The following PP2D1 variants were observed in gnomAD, a reference collection of about 807,000 sequenced individuals.
PP2D1 encodes protein phosphatase 2C like domain containing 1, also known as protein phosphatase 2C-like domain-containing protein 1.
In PP2D1, 25 loss-of-function variants were observed where a neutral mutation model predicts 30.2. The ratio of observed to expected loss-of-function variants is 0.83; its 90% CI spans 0.60 to 1.16. The LOEUF is 1.16. PP2D1 is among the 50% of genes most tolerant of loss of function. The pLI is 0.00. For missense variants in PP2D1, 760 were observed against 742.4 expected, an observed-to-expected ratio of 1.02 and a Z score of -0.28; for synonymous variants, 260 against 258.9, an observed-to-expected ratio of 1.00 and a Z score of -0.04.
downstream of PP2D1, among the ~76,000 whole-genome samples, chr3:19,981,953 G>T (rs73176006): frequency 0.032 from 4,805 of 152,162 alleles, 252 homozygotes; most frequent in African/African-American, 0.11. Flanking sequence ...CATAAAAGGA[G>T]AAAATGAGGT....
intron 1 of PP2D1, among the ~76,000 whole-genome samples, chr3:20,006,987 G>GTATATATA (rs1201473761): frequency 5.1e-4 from 67 of 132,494 alleles, no homozygotes; most frequent in African/African-American, 1.9e-3. Context: ...ACATATATAT[G>GTATATATA]TATACACACA....
intron 2 of PP2D1, among the ~76,000 whole-genome samples, chr3:19,993,228 T>C (rs1697139059): frequency 1.3e-5 from 2 of 152,016 alleles, no homozygotes; most frequent in South Asian, 2.1e-4. Context: ...CATAAAGATA[T>C]TGGAATAACA....
At chr3:19,984,102 T>C, downstream of PP2D1, 1 of 412,288 alleles carries the variant, frequency 2.4e-6, no homozygotes, top group Non-Finnish European at 4.5e-6. Flanking sequence ...ACTAGGAATA[T>C]AGACAAATGA....
Position 20,001,648 on chromosome 3 carries a change from T to G in PP2D1, c.472A>C (p.Ile158Leu). The part of the protein sequence containing the change: ...KIFDNIDRSV[I>L]YSQKICHLLI... ...AGATGACATATTTTTTGAGAATATA[T>G]GACACTCCTGTCAATGTTATCAAAA... Residue 158 changes from isoleucine to leucine, a missense_variant, in exon 2 of 3, where the codon ATA (isoleucine) becomes CTA (leucine). This residue lies in a region of PP2D1 where 374 missense variants were observed against 388.8 expected (regional missense o/e 0.96). Coordinates refer to ENST00000389050, the MANE Select transcript of PP2D1 (RefSeq NM_001252657.2). 1 of 1,536,246 alleles carries G rather than the reference T, an allele frequency of 6.5e-7. No homozygotes were observed. Among genetic ancestry groups the G allele is most frequent in the Non-Finnish European group, 8.7e-7 (1 of 1,146,870 alleles).
At chr3:20,010,302 G>A (rs1697369698) in intron 1 of PP2D1, among the ~76,000 whole-genome samples, 1 of 152,006 alleles carries the variant, frequency 6.6e-6, no homozygotes, top group Non-Finnish European at 1.5e-5. Context: ...CACCATGTTG[G>A]CCAGGCTGGT....
chr3:20,007,447 G>T (rs917191457), intron 1 of PP2D1, among the ~76,000 whole-genome samples: 1 of 151,822 alleles, frequency 6.6e-6, no homozygotes, highest in Non-Finnish European at 1.5e-5. Flanking sequence ...GTAACTTTAC[G>T]TAACTGACTG....
chr3:20,004,348 C>A (rs941067857), intron 1 of PP2D1, among the ~76,000 whole-genome samples: 1 of 152,302 alleles, frequency 6.6e-6, no homozygotes, highest in African/African-American at 2.4e-5. Flanking sequence ...CACTCTATGA[C>A]GTTCACACAA....
chr3:19,981,801 TGA>T (rs1193745082), downstream of PP2D1, among the ~76,000 whole-genome samples: 2 of 152,100 alleles, frequency 1.3e-5, no homozygotes, highest in Non-Finnish European at 2.9e-5. Context: ...AACTGCTGGT[TGA>T]GAGTGTTGTC....
At chr3:19,985,138 G>C, downstream of PP2D1, 1 of 399,318 alleles carries the variant, frequency 2.5e-6, no homozygotes, top group Non-Finnish European at 4.4e-6. Context: ...GTTTTATATT[G>C]AGGTGCTCAG....
chr3:19,984,163 A>G (rs565787556), downstream of PP2D1: 9 of 352,076 alleles, frequency 2.6e-5, no homozygotes, highest in East Asian at 5.7e-4. Context: ...CTGGTACAGT[A>G]GTCACCTGTG....
downstream of PP2D1, chr3:19,984,994 T>G: frequency 5.4e-6 from 1 of 185,480 alleles, no homozygotes; most frequent in East Asian, 1.6e-4. Context: ...ATTGCACTAA[T>G]TATTTTAGGT....
At chr3:20,010,206 C>T (rs1697368485) in intron 1 of PP2D1, among the ~76,000 whole-genome samples, 1 of 152,070 alleles carries the variant, frequency 6.6e-6, no homozygotes, top group Admixed American at 6.6e-5. Flanking sequence ...AGCAATTCTT[C>T]TGCCTCAGCC....
chr3:20,000,928 T>A, intron 2 of PP2D1, 102 bp downstream of exon 2: 1 of 551,978 alleles, frequency 1.8e-6, no homozygotes, highest in East Asian at 3.3e-5. Context: ...AGGTACTAAG[T>A]CACTAAATAA....
chr3:19,982,571 C>T (rs576107998), downstream of PP2D1, among the ~76,000 whole-genome samples: 1 of 152,100 alleles, frequency 6.6e-6, no homozygotes, highest in African/African-American at 2.4e-5. Flanking sequence ...ACTAAGCGGT[C>T]GAGCATGGTG....
intron 2 of PP2D1, among the ~76,000 whole-genome samples, chr3:19,987,476 T>C (rs1282146264): frequency 6.6e-6 from 1 of 152,196 alleles, no homozygotes; most frequent in African/African-American, 2.4e-5. Flanking sequence ...TCTTTGAGAT[T>C]TAAAATTCCT....
downstream of PP2D1, among the ~76,000 whole-genome samples, chr3:19,982,723 C>G (rs140695750): frequency 1.3e-5 from 2 of 150,172 alleles, no homozygotes; most frequent in Non-Finnish European, 3.0e-5. Flanking sequence ...GATCATACCA[C>G]TGCACTTAAT....
downstream of PP2D1, chr3:19,984,314 A>G (rs762686643): frequency 4.8e-6 from 2 of 415,110 alleles, no homozygotes; most frequent in South Asian, 1.7e-5. Flanking sequence ...TAAAATGTAC[A>G]TTCCACATTT....
chr3:19,983,399 T>C (rs1320678164), downstream of PP2D1, among the ~76,000 whole-genome samples: 1 of 151,896 alleles, frequency 6.6e-6, no homozygotes, highest in Non-Finnish European at 1.5e-5. Context: ...ATAGAACTTT[T>C]CTGGTATTAT....
intron 1 of PP2D1, among the ~76,000 whole-genome samples, chr3:20,007,162 G>A (rs536028986): frequency 1.7e-4 from 26 of 152,116 alleles, no homozygotes; most frequent in Non-Finnish European, 2.9e-4. Context: ...GTAAGCCACC[G>A]CACCCGGGCC....
Sources: allele counts gnomAD v4.1 joint callset (sites outside exome capture counted in the v4.1 genomes callset), GRCh38; gene constraint gnomAD v4.1.1; regional missense constraint gnomAD v4.1.1; transcripts MANE v1.5; gene names NCBI Gene and HGNC (gene_info 2026-07-23, HGNC 2026-07-21).